Variants in FGGY observed in about 807,000 individuals in gnomAD.
FGGY encodes FGGY carbohydrate kinase domain-containing protein.
In FGGY, 72 loss-of-function variants were observed where a neutral mutation model predicts 71.3. The observed-to-expected ratio is 1.01, with a 90% confidence interval of 0.84 to 1.23. The LOEUF is 1.23. Among genes scored for constraint, FGGY ranks in the 50% most tolerant of loss-of-function variants. FGGY has a pLI of 0.00. For synonymous variants in FGGY, 251 were observed against 250.3 expected (o/e 1.00, Z -0.02); for missense variants, 668 against 682.3 (o/e 0.98, Z 0.23).
chr1:59,358,398 G>A (rs1221970424), intron 4 of FGGY, among the ~76,000 whole-genome samples: 2 of 152,086 alleles, frequency 1.3e-5, no homozygotes, highest in African/African-American at 4.8e-5. Flanking sequence ...TTGGTGATGG[G>A]GAGGAAAGGA....
chr1:59,536,457 G>T (rs1016096181), intron 7 of FGGY, among the ~76,000 whole-genome samples: 3 of 152,174 alleles, frequency 2.0e-5, no homozygotes, highest in Non-Finnish European at 2.9e-5. Context: ...GAAAAAGAAG[G>T]TATCCTCCCT....
intron 6 of FGGY, among the ~76,000 whole-genome samples, chr1:59,471,567 A>G (rs1214090534): frequency 6.6e-6 from 1 of 152,120 alleles, no homozygotes; most frequent in Non-Finnish European, 1.5e-5. Flanking sequence ...CTATCCTCTG[A>G]GTATTGATGC....
chr1:59,663,560 GGAAAATC>G (rs964325245), intron 12 of FGGY, among the ~76,000 whole-genome samples: 1 of 152,082 alleles, frequency 6.6e-6, no homozygotes, highest in African/African-American at 2.4e-5. Flanking sequence ...CCACACACTT[GGAAAATC>G]AATCTTGTAT....
At chr1:59,655,855 G>A (rs572636603) in intron 11 of FGGY, among the ~76,000 whole-genome samples, 1 of 152,140 alleles carries the variant, frequency 6.6e-6, no homozygotes, top group Admixed American at 6.6e-5. Context: ...GCTCATAGAT[G>A]TTACAAAATT....
intron 14 of FGGY, among the ~76,000 whole-genome samples, chr1:59,700,918 G>A (rs893201428): frequency 6.6e-6 from 1 of 152,124 alleles, no homozygotes; most frequent in Admixed American, 6.5e-5. Flanking sequence ...GCCCTGGAGT[G>A]GGAATGAATT....
intron 6 of FGGY, among the ~76,000 whole-genome samples, chr1:59,471,194 A>C: frequency 8.0e-6 from 1 of 124,508 alleles, no homozygotes; most frequent in African/African-American, 2.9e-5. Context: ...TTGATAGTGA[A>C]GGAGTTCTCA....
chr1:59,739,854 TACTA>T (rs2098133949), intron 14 of FGGY, among the ~76,000 whole-genome samples: 2 of 152,220 alleles, frequency 1.3e-5, no homozygotes, highest in South Asian at 4.1e-4. Flanking sequence ...TACCACTCTA[TACTA>T]ATTGTTACCA....
intron 8 of FGGY, among the ~76,000 whole-genome samples, chr1:59,602,209 T>G (rs796478463): frequency 2.5e-4 from 38 of 152,306 alleles, no homozygotes; most frequent in African/African-American, 8.9e-4. Flanking sequence ...GTTCATAATT[T>G]GGATCCTGAA....
intron 5 of FGGY, among the ~76,000 whole-genome samples, chr1:59,432,184 G>C (rs954475720): frequency 6.6e-6 from 1 of 152,188 alleles, no homozygotes; most frequent in Non-Finnish European, 1.5e-5. Flanking sequence ...TGCCTGGAGA[G>C]GGCATGAAAG....
At chr1:59,298,383 A>C (rs949121467) in intron 1 of FGGY, among the ~76,000 whole-genome samples, 3 of 151,868 alleles carry the variant, frequency 2.0e-5, no homozygotes, top group Admixed American at 2.0e-4. Context: ...TTTGAGGGGG[A>C]GGGAGGTTGG....
chr1:59,625,882 T>G lies in FGGY; in HGVS notation c.1012-106T>G, dbSNP rs1191323965. Reference sequence around the variant, plus strand: ...CATTTTAATGTTCTTGGAACCCGTATGGACAAAGAGTTGAAAGAAACATAT... The same window carrying G: ...CATTTTAATGTTCTTGGAACCCGTAGGGACAAAGAGTTGAAAGAAACATAT... On this transcript the variant is annotated intron_variant, in intron 9 of 15. Coordinates refer to ENST00000303721, the MANE Select transcript of FGGY (RefSeq NM_018291.5). The G allele has an allele frequency of 7.4e-6, 6 of 806,556 alleles. No homozygotes were observed. The African/African-American group carries it at 1.1e-4, about 14-fold the overall frequency. The allele number at this position is 806,556 out of a possible 1,614,324, so 50.0% of individuals were successfully genotyped here. A position where few individuals can be genotyped will look rare whatever the true frequency, so the allele number is the denominator to read the frequency against.
At chr1:59,524,483 T>C (rs1243952786) in intron 7 of FGGY, among the ~76,000 whole-genome samples, 1 of 150,716 alleles carries the variant, frequency 6.6e-6, no homozygotes, top group Non-Finnish European at 1.5e-5. Context: ...TGAGAACTTG[T>C]GTTGCTTTTT....
At chr1:59,483,276 C>T (rs1558083014) in intron 6 of FGGY, among the ~76,000 whole-genome samples, 1 of 152,148 alleles carries the variant, frequency 6.6e-6, no homozygotes, top group Non-Finnish European at 1.5e-5. Context: ...AAAATCACTC[C>T]TTCCTGTATT....
At chr1:59,382,907 C>G (rs1248966082) in intron 5 of FGGY, among the ~76,000 whole-genome samples, 1 of 152,088 alleles carries the variant, frequency 6.6e-6, no homozygotes, top group African/African-American at 2.4e-5. Context: ...TTCCTGGTTT[C>G]CGGTGCCATA....
chr1:59,310,975 C>T (rs1382254984), intron 1 of FGGY, among the ~76,000 whole-genome samples: 1 of 152,210 alleles, frequency 6.6e-6, no homozygotes, highest in Non-Finnish European at 1.5e-5. Context: ...ACATTGTGCT[C>T]ATACAAGGAA....
chr1:59,599,334 A>C (rs1007491932), intron 8 of FGGY, among the ~76,000 whole-genome samples: 4 of 147,784 alleles, frequency 2.7e-5, no homozygotes, highest in African/African-American at 1.0e-4. Flanking sequence ...AGAACTCCTG[A>C]CCTCCCAGTG....
chr1:59,627,489 TACAC>T lies in FGGY; in HGVS notation c.1073+1458_1073+1461del, dbSNP rs34618549. ...ATATATATATATATATATATATATATACACACACACACACACACACAGCTGGATA... is the reference window on the plus strand; with the variant it reads ...ATATATATATATATATATATATATATACACACACACACACACAGCTGGATA... On this transcript the variant is annotated intron_variant, in intron 10 of 15. Coordinates refer to ENST00000303721, the MANE Select transcript of FGGY (RefSeq NM_018291.5). Among the ~76,000 whole-genome samples, 103 of 92,766 alleles carry T rather than the reference TACAC, an allele frequency of 1.1e-3. 1 individual carries two copies. Among genetic ancestry groups the T allele is most frequent in the South Asian group, 6.4e-3 (17 of 2,652 alleles). The allele number at this position is 92,766 out of a possible 152,430, so 60.9% of individuals were successfully genotyped here.
intron 6 of FGGY, among the ~76,000 whole-genome samples, chr1:59,494,001 A>T (rs1487656951): frequency 6.6e-6 from 1 of 152,178 alleles, no homozygotes; most frequent in African/African-American, 2.4e-5. Flanking sequence ...TCACAGATCT[A>T]GTCATTGGCA....
At chr1:59,481,613 G>A (rs2093471461) in intron 6 of FGGY, among the ~76,000 whole-genome samples, 1 of 152,130 alleles carries the variant, frequency 6.6e-6, no homozygotes, top group Non-Finnish European at 1.5e-5. Context: ...GGGTTCTGTT[G>A]ACTCTTTAGC....
Sources: allele counts gnomAD v4.1 joint callset (sites outside exome capture counted in the v4.1 genomes callset), GRCh38; gene constraint gnomAD v4.1.1; transcripts MANE v1.5; gene names NCBI Gene and HGNC (gene_info 2026-07-23, HGNC 2026-07-21).